The following HS3ST4 variants were observed in gnomAD, a reference collection of about 807,000 sequenced individuals.
The protein encoded by HS3ST4 is heparan sulfate-glucosamine 3-sulfotransferase 4, also known as heparan sulfate glucosamine 3-O-sulfotransferase 4.
In HS3ST4, 17 loss-of-function variants were observed where a neutral mutation model predicts 29.2. The ratio of observed to expected loss-of-function variants is 0.58; its 90% CI spans 0.40 to 0.87. The LOEUF is 0.87. Ranked by LOEUF, HS3ST4 falls within the 40% of genes least tolerant of loss-of-function variation. The pLI is 0.00. For missense variants in HS3ST4, 627 were observed against 634.5 expected (o/e 0.99, Z 0.13); for synonymous variants, 314 against 285.7 (o/e 1.10, Z -1.00).
intron 1 of HS3ST4, among the ~76,000 whole-genome samples, chr16:25,889,910 TCTC>T (rs2141668357): frequency 3.5e-5 from 1 of 28,248 alleles, no homozygotes; most frequent in South Asian, 1.5e-3. Context: ...ATACATGCTC[TCTC>T]TCTCTCTCTC....
chr16:26,052,573 G>A (rs1388590173), intron 1 of HS3ST4, among the ~76,000 whole-genome samples: 2 of 152,164 alleles, frequency 1.3e-5, no homozygotes, highest in Admixed American at 6.5e-5. Context: ...GTTTCACCAT[G>A]TTGGCCAGGC....
chr16:25,927,374 C>A (rs990167682), intron 1 of HS3ST4, among the ~76,000 whole-genome samples: 3 of 152,192 alleles, frequency 2.0e-5, no homozygotes, highest in African/African-American at 7.2e-5. Flanking sequence ...TTTGACCTTC[C>A]ATGGCCTTCA....
chr16:25,959,434 C>T (rs1968772039), intron 1 of HS3ST4, among the ~76,000 whole-genome samples: 1 of 152,160 alleles, frequency 6.6e-6, no homozygotes. Context: ...ATAACTACAT[C>T]TCTGTCCAGA....
intron 1 of HS3ST4, among the ~76,000 whole-genome samples, chr16:26,111,075 T>G (rs1373114582): frequency 6.6e-6 from 1 of 151,924 alleles, no homozygotes; most frequent in Non-Finnish European, 1.5e-5. Context: ...TATTTTATTT[T>G]ATTTTGAGAC....
At chr16:25,735,661 G>A (rs1439729199) in intron 1 of HS3ST4, among the ~76,000 whole-genome samples, 2 of 152,142 alleles carry the variant, frequency 1.3e-5, no homozygotes, top group Admixed American at 1.3e-4. Flanking sequence ...TAAGTGCTGG[G>A]GATTACGGGT....
chr16:26,029,414 GTTC>G, intron 1 of HS3ST4, among the ~76,000 whole-genome samples: 1 of 151,524 alleles, frequency 6.6e-6, no homozygotes, highest in South Asian at 2.1e-4. Flanking sequence ...GCAAGGGGTA[GTTC>G]TTTTTTTTTT....
At chr16:25,707,626 T>C (rs532832678) in intron 1 of HS3ST4, among the ~76,000 whole-genome samples, 1 of 152,302 alleles carries the variant, frequency 6.6e-6, no homozygotes, top group African/African-American at 2.4e-5. Flanking sequence ...TACAAGCCAA[T>C]GTGGGCAGCT....
At chr16:25,931,057 G>A (rs1002346653) in intron 1 of HS3ST4, among the ~76,000 whole-genome samples, 1 of 152,214 alleles carries the variant, frequency 6.6e-6, no homozygotes, top group Non-Finnish European at 1.5e-5. Context: ...ACAGGTGTGA[G>A]CAACTGTGCC....
At chr16:26,112,823 G>C (rs2141804604) in intron 1 of HS3ST4, among the ~76,000 whole-genome samples, 1 of 152,238 alleles carries the variant, frequency 6.6e-6, no homozygotes, top group African/African-American at 2.4e-5. Flanking sequence ...GCACACATTA[G>C]GTAACAAAGA....
At chr16:25,790,175 A>G (rs1966865621) in intron 1 of HS3ST4, among the ~76,000 whole-genome samples, 1 of 44 alleles carries the variant, frequency 0.023, no homozygotes, top group African/African-American at 0.083. Context: ...TGGGATGCCA[A>G]GGTGAGCAGG....
chr16:25,833,669 T>C (rs11648076), intron 1 of HS3ST4, among the ~76,000 whole-genome samples: 5 of 152,266 alleles, frequency 3.3e-5, no homozygotes, highest in Non-Finnish European at 5.9e-5. Context: ...TGGTAGAAAC[T>C]GATAGATGTA....
At chr16:25,853,838 G>A (rs1967545895) in intron 1 of HS3ST4, among the ~76,000 whole-genome samples, 2 of 152,084 alleles carry the variant, frequency 1.3e-5, no homozygotes, top group Admixed American at 1.3e-4. Context: ...ATTCTTGTCT[G>A]GCTTTTGTAT....
At position 25,889,080 on chromosome 16, in the gene HS3ST4, C is replaced by T. The variant is rs767953745; in HGVS notation, c.734+195929C>T. 1.5e-4 allele frequency among the ~76,000 whole-genome samples: 23 copies of T among 152,286 alleles called. 1 individual carries two copies. Among genetic ancestry groups the T allele is most frequent in the Non-Finnish European group, 2.4e-4 (16 of 68,032 alleles). The stretch of plus-strand genomic sequence containing the variant: ...TACAGGCTTTATTGGCAGTATTTAA[C>T]GCAAATCTGTTTTCCATCCTTGTCA... On this transcript the variant is annotated intron_variant, in intron 1 of 1. Coordinates refer to ENST00000331351, the MANE Select transcript of HS3ST4 (RefSeq NM_006040.3).
intron 1 of HS3ST4, among the ~76,000 whole-genome samples, chr16:25,744,261 T>G (rs1221581185): frequency 6.6e-6 from 1 of 152,242 alleles, no homozygotes; most frequent in Non-Finnish European, 1.5e-5. Context: ...GTATAACTTT[T>G]TAAATTCAGC....
chr16:25,916,424 A>T (rs952922293), intron 1 of HS3ST4, among the ~76,000 whole-genome samples: 1 of 151,766 alleles, frequency 6.6e-6, no homozygotes, highest in Non-Finnish European at 1.5e-5. Flanking sequence ...GTACAATGGC[A>T]CTATCTCGGC....
At chr16:26,072,821 A>G (rs2141778084) in intron 1 of HS3ST4, among the ~76,000 whole-genome samples, 1 of 152,344 alleles carries the variant, frequency 6.6e-6, no homozygotes, top group East Asian at 1.9e-4. Flanking sequence ...AAAAATTTAG[A>G]AAACTCTTAT....
chr16:25,883,558 C>G (rs945793005), intron 1 of HS3ST4, among the ~76,000 whole-genome samples: 3 of 152,124 alleles, frequency 2.0e-5, no homozygotes, highest in Admixed American at 2.0e-4. Flanking sequence ...AAATTCAGGT[C>G]AGCTTTTGGA....
intron 1 of HS3ST4, among the ~76,000 whole-genome samples, chr16:26,133,003 T>C (rs548066233): frequency 6.6e-6 from 1 of 152,328 alleles, no homozygotes; most frequent in African/African-American, 2.4e-5. Context: ...GGTAGCTCCC[T>C]TGTTGGACAC....
At chr16:25,737,521 A>G (rs1035606973) in intron 1 of HS3ST4, among the ~76,000 whole-genome samples, 1 of 152,226 alleles carries the variant, frequency 6.6e-6, no homozygotes, top group South Asian at 2.1e-4. Flanking sequence ...TTTCTCACTT[A>G]TAAGTGGGAG....
Sources: allele counts gnomAD v4.1 joint callset (sites outside exome capture counted in the v4.1 genomes callset), GRCh38; gene constraint gnomAD v4.1.1; transcripts MANE v1.5; gene names NCBI Gene and HGNC (gene_info 2026-07-23, HGNC 2026-07-21).